Variants in MAGI1 observed in about 807,000 individuals in gnomAD.
MAGI1 encodes membrane associated guanylate kinase, WW and PDZ domain containing 1, also known as membrane-associated guanylate kinase, WW and PDZ domain-containing protein 1.
In MAGI1, 58 loss-of-function variants were observed where a neutral mutation model predicts 139.9. The ratio of observed to expected loss-of-function variants is 0.41; its 90% CI spans 0.34 to 0.52. The LOEUF (loss-of-function observed/expected upper bound fraction) is 0.52. Ranked by LOEUF, MAGI1 falls within the 20% of genes least tolerant of loss-of-function variation. The probability of loss-of-function intolerance (pLI) is 0.12; values close to 1 mark genes in which losing one functional copy is unlikely to be tolerated. For synonymous variants in MAGI1, 812 were observed against 737.9 expected (o/e 1.10, Z -1.63); for missense variants, 1,874 against 1,901.6 (o/e 0.99, Z 0.27).
At chr3:65,841,968 A>C (rs1181312278) in intron 1 of MAGI1, among the ~76,000 whole-genome samples, 1 of 152,250 alleles carries the variant, frequency 6.6e-6, no homozygotes. Context: ...GGTACTATAG[A>C]CAAGAAGGAA....
intron 1 of MAGI1, among the ~76,000 whole-genome samples, chr3:65,762,290 T>C (rs1327094958): frequency 6.6e-6 from 1 of 152,182 alleles, no homozygotes; most frequent in African/African-American, 2.4e-5. Flanking sequence ...CATTTCTTCC[T>C]TCTCAGATTT....
chr3:65,384,905 C>G (rs1559513018), intron 14 of MAGI1, among the ~76,000 whole-genome samples: 1 of 151,980 alleles, frequency 6.6e-6, no homozygotes, highest in Non-Finnish European at 1.5e-5. Flanking sequence ...CAATCCCCAG[C>G]AGACACTGAG....
chr3:65,631,788 TG>T (rs2084321999), intron 1 of MAGI1, among the ~76,000 whole-genome samples: 1 of 152,072 alleles, frequency 6.6e-6, no homozygotes, highest in Non-Finnish European at 1.5e-5. Flanking sequence ...CTGAGGCAGG[TG>T]GATCACATGA....
At chr3:66,002,146 G>T (rs1377312956) in intron 1 of MAGI1, among the ~76,000 whole-genome samples, 1 of 152,126 alleles carries the variant, frequency 6.6e-6, no homozygotes, top group Non-Finnish European at 1.5e-5. Context: ...TTCTCCTCAG[G>T]TAAGGATTAA....
intron 1 of MAGI1, among the ~76,000 whole-genome samples, chr3:65,707,192 C>T (rs897107457): frequency 2.0e-5 from 3 of 152,144 alleles, no homozygotes; most frequent in African/African-American, 4.8e-5. Flanking sequence ...ATTGGCAGGG[C>T]TCTAATGTGT....
At chr3:66,027,375 C>G (rs957310698) in intron 1 of MAGI1, among the ~76,000 whole-genome samples, 1 of 152,124 alleles carries the variant, frequency 6.6e-6, no homozygotes, top group Non-Finnish European at 1.5e-5. Context: ...TCCATCATAG[C>G]TCACTGCAGC....
chr3:65,647,616 T>C (rs1440712232), intron 1 of MAGI1, among the ~76,000 whole-genome samples: 7 of 152,186 alleles, frequency 4.6e-5, no homozygotes, highest in African/African-American at 1.4e-4. Context: ...AAATCAATTA[T>C]TATAATCTAC....
At chr3:65,538,295 A>C (rs996322360) in intron 2 of MAGI1, among the ~76,000 whole-genome samples, 2 of 152,218 alleles carry the variant, frequency 1.3e-5, no homozygotes. Context: ...TAAATTCTCC[A>C]TATAAACAAC....
chr3:65,416,342 T>C (rs1157539845), intron 12 of MAGI1, among the ~76,000 whole-genome samples: 1 of 152,178 alleles, frequency 6.6e-6, no homozygotes, highest in African/African-American at 2.4e-5. Context: ...GCTTCATAGT[T>C]ATTATGACTG....
chr3:65,907,093 A>T (rs1339094108), intron 1 of MAGI1, among the ~76,000 whole-genome samples: 2 of 151,516 alleles, frequency 1.3e-5, no homozygotes, highest in Admixed American at 1.3e-4. Context: ...AAGACTAAGG[A>T]TTTGTAAAAA....
rs114386191 is a variant in MAGI1 at position 65,696,296 on chromosome 3, G to A, written c.314-74208C>T. Among the ~76,000 whole-genome samples, 945 of 152,094 alleles carry A rather than the reference G, an allele frequency of 6.2e-3. 13 individuals are homozygous for A. The highest frequency in any genetic ancestry group is 0.021 in the African/African-American group (891 of 41,482). ...CTTTCTGCCATTTCATTCAGCTTTAGTCTTCTTTATAACACCTACCACTTG... is the reference window on the plus strand; with the variant it reads ...CTTTCTGCCATTTCATTCAGCTTTAATCTTCTTTATAACACCTACCACTTG... On this transcript the variant is annotated intron_variant, in intron 1 of 22. Coordinates refer to ENST00000402939, the MANE Select transcript of MAGI1 (RefSeq NM_001033057.2).
At chr3:65,905,254 G>C (rs1010380258) in intron 1 of MAGI1, among the ~76,000 whole-genome samples, 1 of 152,066 alleles carries the variant, frequency 6.6e-6, no homozygotes, top group South Asian at 2.1e-4. Flanking sequence ...ATTTCCCAAA[G>C]TATCAAAAGA....
At chr3:66,001,218 G>A (rs1481336279) in intron 1 of MAGI1, among the ~76,000 whole-genome samples, 5 of 152,118 alleles carry the variant, frequency 3.3e-5, no homozygotes, top group Admixed American at 6.5e-5. Context: ...GAATTGGTTC[G>A]ATTAGGATGG....
rs899257208 is a variant in MAGI1 at position 65,360,948 on chromosome 3, G to A, written c.3634+251C>T. 6 of 1,413,168 alleles carry A rather than the reference G, an allele frequency of 4.2e-6. No homozygotes were observed. In the Admixed American group the frequency reaches 8.8e-5, roughly 21 times the overall value. 87.5% of individuals were successfully genotyped at this position (1,413,168 alleles called of 1,614,324 possible). A position where few individuals can be genotyped will look rare whatever the true frequency, so the allele number is the denominator to read the frequency against. On this transcript the variant is annotated intron_variant, in intron 22 of 22. Transcript: ENST00000402939. ...CGCTCTTGGTCGGACTAGACAAAAC[G>A]TTCTCTCTGATTATCAGAAAGGGGG...
At chr3:65,610,268 G>A (rs147527088) in intron 2 of MAGI1, among the ~76,000 whole-genome samples, 23 of 152,036 alleles carry the variant, frequency 1.5e-4, no homozygotes, top group African/African-American at 4.3e-4. Flanking sequence ...GGGAGAACTA[G>A]AATTGAACAT....
intron 1 of MAGI1, among the ~76,000 whole-genome samples, chr3:65,636,725 T>TAC (rs774592349): frequency 1.3e-3 from 163 of 123,758 alleles, no homozygotes; most frequent in African/African-American, 3.8e-3. Flanking sequence ...CACACACACA[T>TAC]ACACACACAC....
chr3:65,356,277 G>A lies in MAGI1; in HGVS notation c.*101C>T, dbSNP rs1395047427. On this transcript the variant is annotated 3_prime_UTR_variant, in exon 23 of 23. Transcript: ENST00000402939. ...TTGTTGTTATTCATAGGATCATCAG[G>A]TGTCAGATGCTTCATTAGGTAAGAA... The A allele has an allele frequency of 1.8e-6, 2 of 1,129,772 alleles. No homozygotes were observed. 70.0% of individuals were successfully genotyped at this position (1,129,772 alleles called of 1,614,324 possible). A position where few individuals can be genotyped will look rare whatever the true frequency, so the allele number is the denominator to read the frequency against.
chr3:65,487,542 C>T (rs565993939), intron 3 of MAGI1, among the ~76,000 whole-genome samples: 2 of 152,144 alleles, frequency 1.3e-5, no homozygotes, highest in African/African-American at 4.8e-5. Context: ...TCAGTTCTAT[C>T]ATCTGAAGAA....
At chr3:65,573,798 T>C (rs536719286) in intron 2 of MAGI1, among the ~76,000 whole-genome samples, 6 of 152,262 alleles carry the variant, frequency 3.9e-5, no homozygotes, top group South Asian at 2.1e-4. Flanking sequence ...TGTAAAACTT[T>C]TATTATTTCT....
Sources: gnomAD v4.1 joint callset for allele counts (sites outside exome capture counted in the v4.1 genomes callset) on GRCh38, gnomAD v4.1.1 for gene constraint, MANE v1.5 for transcripts, NCBI Gene and HGNC (gene_info 2026-07-23, HGNC 2026-07-21) for gene names.